The following BACH2 variants were observed in gnomAD, a reference collection of about 807,000 sequenced individuals.
The protein encoded by BACH2 is BACH transcriptional regulator 2, also known as transcription regulator protein BACH2.
BACH2 carries 5 observed loss-of-function variants against 61.8 expected under a neutral mutation model. The ratio of observed to expected loss-of-function variants is 0.08; its 90% CI spans 0.04 to 0.17. The LOEUF (loss-of-function observed/expected upper bound fraction) is 0.17, where lower values mean the gene tolerates loss of function less well. Among genes scored for constraint, BACH2 ranks in the 10% least tolerant of loss-of-function variants. BACH2 has a pLI of 1.00. For synonymous variants in BACH2, 446 were observed against 440.1 expected (o/e 1.01, Z -0.17); for missense variants, 824 against 1,091.1 (o/e 0.76, Z 3.45).
intron 6 of BACH2, among the ~76,000 whole-genome samples, chr6:89,962,830 AC>A (rs1774825680): frequency 1.3e-5 from 2 of 152,220 alleles, no homozygotes; most frequent in South Asian, 4.1e-4. Flanking sequence ...TGGATATGAC[AC>A]CAAAAGCACA....
chr6:90,257,532 C>T (rs547332786), intron 2 of BACH2, among the ~76,000 whole-genome samples: 1 of 152,298 alleles, frequency 6.6e-6, no homozygotes, highest in African/African-American at 2.4e-5. Flanking sequence ...AAAATGTCTA[C>T]TCAGGCCTTT....
intron 3 of BACH2, among the ~76,000 whole-genome samples, chr6:90,216,313 A>T (rs975441517): frequency 6.6e-6 from 1 of 152,190 alleles, no homozygotes; most frequent in Non-Finnish European, 1.5e-5. Flanking sequence ...AATGGGGAGG[A>T]GGTCAGCTGT....
intron 1 of BACH2, among the ~76,000 whole-genome samples, chr6:90,282,431 C>T (rs911164061): frequency 1.5e-4 from 23 of 152,096 alleles, no homozygotes; most frequent in Middle Eastern, 6.8e-3. Context: ...TGTGTTAGTC[C>T]GCTTAAGGAT....
intron 3 of BACH2, among the ~76,000 whole-genome samples, chr6:90,240,926 C>A (rs969975704): frequency 6.6e-6 from 1 of 151,840 alleles, no homozygotes; most frequent in Non-Finnish European, 1.5e-5. Context: ...TACTTTTGAA[C>A]CCTATCACTT....
At chr6:90,096,567 T>C (rs2127809971) in intron 4 of BACH2, among the ~76,000 whole-genome samples, 1 of 152,356 alleles carries the variant, frequency 6.6e-6, no homozygotes, top group South Asian at 2.1e-4. Flanking sequence ...GGCACAAACT[T>C]GAATGAATGG....
chr6:90,208,043 C>CAAA (rs896202323), intron 3 of BACH2, among the ~76,000 whole-genome samples: 1 of 151,296 alleles, frequency 6.6e-6, no homozygotes, highest in Non-Finnish European at 1.5e-5. Context: ...ATACAGATTC[C>CAAA]AAAAAAAATA....
intron 7 of BACH2, among the ~76,000 whole-genome samples, chr6:89,939,874 A>AG (rs914402071): frequency 5.1e-5 from 7 of 137,054 alleles, no homozygotes; most frequent in Admixed American, 1.6e-4. Context: ...GCCACAGAGA[A>AG]GGGGAAAAAA....
rs186512833 is a variant in BACH2, at chr6:90,135,141, G to A, written c.-161-46032C>T. On this transcript the variant is annotated intron_variant, in intron 4 of 8. Transcript: ENST00000257749. Reference sequence around the variant, plus strand: ...CCGAATGGAGAATGAAACTGAGGCAGCCTTGTCCTCCTTCTTCAAAGTAGT... The same window carrying A: ...CCGAATGGAGAATGAAACTGAGGCAACCTTGTCCTCCTTCTTCAAAGTAGT... Among the ~76,000 whole-genome samples, 1,107 of 152,348 alleles carry A rather than the reference G, an allele frequency of 7.3e-3. 5 individuals are homozygous for A. Among genetic ancestry groups the A allele is most frequent in the Admixed American group, 0.019 (288 of 15,310 alleles).
intron 6 of BACH2, among the ~76,000 whole-genome samples, chr6:89,974,320 A>G (rs1404877986): frequency 6.6e-6 from 1 of 152,178 alleles, no homozygotes; most frequent in African/African-American, 2.4e-5. Context: ...GCAATCCCAT[A>G]GCGTCAATGA....
chr6:90,031,127 A>AG (rs1304112893), intron 5 of BACH2, among the ~76,000 whole-genome samples: 4 of 151,546 alleles, frequency 2.6e-5, no homozygotes, highest in South Asian at 2.1e-4. Flanking sequence ...CAATAGATGC[A>AG]GAAAAGGCCT....
intron 4 of BACH2, among the ~76,000 whole-genome samples, chr6:90,150,793 G>C (rs1199635379): frequency 6.6e-6 from 1 of 152,138 alleles, no homozygotes; most frequent in Non-Finnish European, 1.5e-5. Context: ...ATGGTCAATG[G>C]CTGGGAGTAG....
At chr6:90,142,342 T>A (rs1218452364) in intron 4 of BACH2, among the ~76,000 whole-genome samples, 1 of 152,178 alleles carries the variant, frequency 6.6e-6, no homozygotes, top group East Asian at 1.9e-4. Context: ...AAGTGCTCTA[T>A]ATAAAAAAGA....
At chr6:89,971,985 C>A (rs752346607) in intron 6 of BACH2, among the ~76,000 whole-genome samples, 53 of 152,156 alleles carry the variant, frequency 3.5e-4, no homozygotes, top group Non-Finnish European at 7.1e-4. Flanking sequence ...GAGGAGGTGA[C>A]AAATGAGCTG....
In BACH2 at chr6:89,980,667, T is replaced by C. The variant is rs140319011; in HGVS notation, c.243+27935A>G. ...CTGAGGACATTCACCTGAGAAGACTTTGGGTCTATTAATAACCTAACAGTG... is the reference window on the plus strand; with the variant it reads ...CTGAGGACATTCACCTGAGAAGACTCTGGGTCTATTAATAACCTAACAGTG... On this transcript the variant is annotated intron_variant, in intron 6 of 8. Transcript: ENST00000257749. 1.1e-4 allele frequency among the ~76,000 whole-genome samples: 17 copies of C among 152,270 alleles called. No homozygotes were observed. The East Asian group carries it at 3.3e-3, about 29-fold the overall frequency.
chr6:90,258,186 T>C (rs541218276), intron 2 of BACH2, among the ~76,000 whole-genome samples: 5 of 152,318 alleles, frequency 3.3e-5, no homozygotes, highest in Admixed American at 1.3e-4. Flanking sequence ...TGTAGGAGTT[T>C]TATAGTTTCT....
intron 4 of BACH2, among the ~76,000 whole-genome samples, chr6:90,169,168 T>TAAA (rs35775210): frequency 1.4e-5 from 2 of 142,018 alleles, no homozygotes. Flanking sequence ...TACTGGTGAT[T>TAAA]AAAAAAAAAA....
intron 6 of BACH2, among the ~76,000 whole-genome samples, chr6:89,966,111 T>C (rs1279944863): frequency 6.6e-6 from 1 of 152,208 alleles, no homozygotes; most frequent in East Asian, 1.9e-4. Flanking sequence ...GGAATAAAGC[T>C]ACAGAGTATG....
chr6:90,145,801 G>T (rs908852654), intron 4 of BACH2, among the ~76,000 whole-genome samples: 1 of 152,202 alleles, frequency 6.6e-6, no homozygotes, highest in Non-Finnish European at 1.5e-5. Context: ...GAAAGTACAT[G>T]ATTGGATTTG....
chr6:89,975,764 T>C (rs1012489798), intron 6 of BACH2, among the ~76,000 whole-genome samples: 4 of 152,230 alleles, frequency 2.6e-5, no homozygotes, highest in African/African-American at 9.6e-5. Context: ...AAGTCCCACT[T>C]ATCAAAATGA....
Sources: gnomAD v4.1 joint callset for allele counts (sites outside exome capture counted in the v4.1 genomes callset) on GRCh38, gnomAD v4.1.1 for gene constraint, MANE v1.5 for transcripts, NCBI Gene and HGNC (gene_info 2026-07-23, HGNC 2026-07-21) for gene names.